FAM241A: variants seen among roughly 807,000 people sequenced by gnomAD.
The protein encoded by FAM241A is uncharacterized protein FAM241A.
A neutral mutation model predicts 12.2 loss-of-function variants in FAM241A; 7 were observed. The observed-to-expected ratio is 0.58, with a 90% CI of 0.33 to 1.08. The LOEUF (loss-of-function observed/expected upper bound fraction) is 1.08. Ranked by LOEUF, FAM241A falls within the 50% of genes least tolerant of loss-of-function variation. The pLI is 0.04. For missense variants in FAM241A, 161 were observed against 169.7 expected (o/e 0.95, Z 0.29); for synonymous variants, 74 against 68.2 (o/e 1.08, Z -0.42).
intron 1 of FAM241A, 77 bp from the exon 2 acceptor site, chr4:112,186,616 A>G: frequency 7.4e-7 from 1 of 1,359,118 alleles, no homozygotes; most frequent in Non-Finnish European, 1.0e-6. Flanking sequence ...TTGGAAGATG[A>G]AGAACTAAGG....
At position 112,170,616 on chromosome 4, in the gene FAM241A, C is replaced by T. The variant is rs921236354; in HGVS notation, c.154-16077C>T. 7.9e-5 allele frequency among the ~76,000 whole-genome samples: 12 copies of T among 152,156 alleles called. No homozygotes were observed. In the East Asian group the frequency reaches 1.4e-3, roughly 17 times the overall value. On this transcript the variant is annotated intron_variant, in intron 1 of 1. Transcript: ENST00000309733. ...CTGGACAAAAGCATGAGTCATGTCCCGAGCAGGATGGAGCAAGATGGTGTG... is the reference window on the plus strand; with the variant it reads ...CTGGACAAAAGCATGAGTCATGTCCTGAGCAGGATGGAGCAAGATGGTGTG...
intron 1 of FAM241A, among the ~76,000 whole-genome samples, chr4:112,148,120 T>C (rs779198033): frequency 1.3e-5 from 2 of 152,182 alleles, no homozygotes; most frequent in Non-Finnish European, 2.9e-5. Context: ...TTTCTATTTC[T>C]ATTCCCCTCA....
Position 112,177,601 on chromosome 4 carries a change from T to A in FAM241A, c.154-9092T>A, listed in dbSNP as rs1441628212. ...TTGTTGCAAAGATCAAACAAGATAA[T>A]GCATGTAAAACACAATGCATGTTAC... On this transcript the variant is annotated intron_variant, in intron 1 of 1. Coordinates refer to ENST00000309733, the MANE Select transcript of FAM241A (RefSeq NM_152400.3). 2.6e-5 allele frequency among the ~76,000 whole-genome samples: 4 copies of A among 152,246 alleles called. No homozygotes were observed. In the East Asian group the frequency reaches 7.7e-4, roughly 29 times the overall value.
In FAM241A at chr4:112,187,155, A is replaced by C; in HGVS notation, c.*217A>C. 1.9e-6 allele frequency: 1 copy of C among 526,540 alleles called. No individual in the cohort carries two copies. The highest frequency in any genetic ancestry group is 3.3e-6 in the Non-Finnish European group (1 of 302,082). 32.6% of individuals were successfully genotyped at this position (526,540 alleles called of 1,614,324 possible). A position where few individuals can be genotyped will look rare whatever the true frequency, so the allele number is the denominator to read the frequency against. On this transcript the variant is annotated 3_prime_UTR_variant, in exon 2 of 2. Coordinates refer to ENST00000309733, the MANE Select transcript of FAM241A (RefSeq NM_152400.3). Reference sequence around the variant, plus strand: ...TTGAATATACATTAGCTTATTCAAAACTCTTGTTTCACTACTGTGATCTCT... The same window carrying C: ...TTGAATATACATTAGCTTATTCAAACCTCTTGTTTCACTACTGTGATCTCT...
In FAM241A at chr4:112,186,740, C is replaced by T. The variant is rs777845898; in HGVS notation, c.201C>T (p.Asp67=). 3.1e-6 allele frequency: 5 copies of T among 1,612,122 alleles called. No homozygotes were observed. The highest frequency in any genetic ancestry group is 2.2e-5 in the South Asian group (2 of 91,018). ...QNHTGEPVGD[D]YKKMGTLFGE... ...ACACTGGTGAGCCGGTTGGAGATGA[C>T]TACAAGAAAATGGGAACACTTTTTG... The change falls in exon 2 of 2, where the codon GAC becomes GAT. Residue 67 remains aspartate, a synonymous_variant. Transcript: ENST00000309733.
chr4:112,145,699 G>T lies in FAM241A; in HGVS notation c.119G>T (p.Arg40Leu). Reference protein sequence around the residue: ...GTGWDPGASPRRRGQRPKESE... With the variant: ...GTGWDPGASPLRRGQRPKESE... ...GGGTGGGATCCCGGGGCGAGCCCGC[G>T]GCGGCGCGGACAGCGGCCGAAGGAG... The change falls in exon 1 of 2, where the codon CGG becomes CTG. Residue 40 changes from arginine to leucine, a missense_variant. Arg to Leu is a moderately radical substitution (Grantham distance 102). Transcript: ENST00000309733. The T allele has an allele frequency of 8.3e-7, 1 of 1,204,764 alleles. No homozygotes were observed. The highest frequency in any genetic ancestry group is 1.0e-6 in the Non-Finnish European group (1 of 970,086). 74.6% of individuals were successfully genotyped at this position (1,204,764 alleles called of 1,614,324 possible).
rs189724816 is a variant in FAM241A, at chr4:112,178,027, G to A, written c.154-8666G>A. On this transcript the variant is annotated intron_variant, in intron 1 of 1. Transcript: ENST00000309733. The stretch of plus-strand genomic sequence containing the variant: ...TTATTATGAGTCTATGATGGGCCAG[G>A]CATAGTGCAATATACAAAGTACTAA... 2.8e-3 allele frequency among the ~76,000 whole-genome samples: 421 copies of A among 152,146 alleles called. 4 individuals carry two copies. The highest frequency in any genetic ancestry group is 0.014 in the Middle Eastern group (4 of 294).
chr4:112,173,837 ACCAAGGTAGGGCTT>A (rs1723771033), intron 1 of FAM241A, among the ~76,000 whole-genome samples: 1 of 152,302 alleles, frequency 6.6e-6, no homozygotes, highest in South Asian at 2.1e-4. Flanking sequence ...TCCAGAAATA[ACCAAGGTAGGGCTT>A]CCAGAACAAT....
chr4:112,182,298 G>T (rs112707649), intron 1 of FAM241A, among the ~76,000 whole-genome samples: 2 of 152,170 alleles, frequency 1.3e-5, no homozygotes, highest in African/African-American at 4.8e-5. Flanking sequence ...TAATTGAATC[G>T]GATGACCTTT....
At position 112,179,959 on chromosome 4, in the gene FAM241A, GTA is replaced by G. The variant is rs1203407370; in HGVS notation, c.154-6722_154-6721del. Among the ~76,000 whole-genome samples the G allele has an allele frequency of 1.9e-3, 230 of 123,060 alleles. 2 individuals carry two copies. Among genetic ancestry groups the G allele is most frequent in the African/African-American group, 1.0e-3 (32 of 32,048 alleles). 80.7% of individuals were successfully genotyped at this position (123,060 alleles called of 152,430 possible). Reference sequence around the variant, plus strand: ...TATATGTATATGTGTGTGTGTGTGTGTATATATATATATCACATATATTACAT... The same window carrying G: ...TATATGTATATGTGTGTGTGTGTGTGTATATATATATCACATATATTACAT... On this transcript the variant is annotated intron_variant, in intron 1 of 1. Coordinates refer to ENST00000309733, the MANE Select transcript of FAM241A (RefSeq NM_152400.3).
intron 1 of FAM241A, among the ~76,000 whole-genome samples, chr4:112,175,658 C>T (rs1021064284): frequency 6.6e-6 from 1 of 151,958 alleles, no homozygotes; most frequent in Non-Finnish European, 1.5e-5. Flanking sequence ...ATCCTAGCTA[C>T]TCAGGAGGCT....
At chr4:112,179,208 A>G (rs906066702) in intron 1 of FAM241A, among the ~76,000 whole-genome samples, 5 of 152,268 alleles carry the variant, frequency 3.3e-5, no homozygotes, top group East Asian at 1.9e-4. Context: ...GCCCATGCCT[A>G]TGTCCTGAAT....
At chr4:112,162,086 A>G (rs1723483860) in intron 1 of FAM241A, among the ~76,000 whole-genome samples, 1 of 152,236 alleles carries the variant, frequency 6.6e-6, no homozygotes. Flanking sequence ...AGATGCAGAA[A>G]AGGCCTTCGA....
Position 112,189,546 on chromosome 4 carries a change from C to T in FAM241A, c.*2608C>T, listed in dbSNP as rs1488056924. 3 of 152,000 alleles carry T rather than the reference C, an allele frequency of 2.0e-5. No individual in the cohort carries two copies. Among genetic ancestry groups the T allele is most frequent in the Non-Finnish European group, 4.4e-5 (3 of 67,996 alleles). The allele number at this position is 152,000 out of a possible 1,614,324, so 9.4% of individuals were successfully genotyped here. A position where few individuals can be genotyped will look rare whatever the true frequency, so the allele number is the denominator to read the frequency against. ...GGCCAGTAATTCAAAAGAAAAAGGTCGAAGTCTACAAATAAACAGACTGTA... is the reference window on the plus strand; with the variant it reads ...GGCCAGTAATTCAAAAGAAAAAGGTTGAAGTCTACAAATAAACAGACTGTA... On this transcript the variant is annotated 3_prime_UTR_variant, in exon 2 of 2. Coordinates refer to ENST00000309733, the MANE Select transcript of FAM241A (RefSeq NM_152400.3).
Position 112,186,986 on chromosome 4 carries a change from T to A in FAM241A, c.*48T>A. 6.4e-7 allele frequency: 1 copy of A among 1,568,050 alleles called. No homozygotes were observed. Among genetic ancestry groups the A allele is most frequent in the Non-Finnish European group, 8.6e-7 (1 of 1,157,270 alleles). On this transcript the variant is annotated 3_prime_UTR_variant, in exon 2 of 2. Transcript: ENST00000309733. ...TGACATTTGGTAGCCATATATGTAA[T>A]TGAAGAAGTTATATATTTCACTTTT...
chr4:112,188,527 G>A lies in FAM241A; in HGVS notation c.*1589G>A, dbSNP rs1452590974. The A allele has an allele frequency of 2.1e-4, 32 of 152,168 alleles. No homozygotes were observed. Among genetic ancestry groups the A allele is most frequent in the Non-Finnish European group, 1.5e-5 (1 of 67,962 alleles). The allele number at this position is 152,168 out of a possible 1,614,324, so 9.4% of individuals were successfully genotyped here. ...TTTTAAAAAACAAAAGACTTTGTACGATATTGTGTTTTTATTGCTTTTGCA... is the reference window on the plus strand; with the variant it reads ...TTTTAAAAAACAAAAGACTTTGTACAATATTGTGTTTTTATTGCTTTTGCA... On this transcript the variant is annotated 3_prime_UTR_variant, in exon 2 of 2. Transcript: ENST00000309733.
chr4:112,180,481 A>C (rs1201313588), intron 1 of FAM241A, among the ~76,000 whole-genome samples: 1 of 152,208 alleles, frequency 6.6e-6, no homozygotes, highest in African/African-American at 2.4e-5. Flanking sequence ...GTTTGTTAAC[A>C]ACAGTTAAAT....
intron 1 of FAM241A, among the ~76,000 whole-genome samples, chr4:112,161,424 A>G (rs866335957): frequency 6.6e-6 from 1 of 152,186 alleles, no homozygotes; most frequent in Admixed American, 6.5e-5. Flanking sequence ...CAAGACCAAT[A>G]AAGAAGGAAA....
At chr4:112,183,992 A>T (rs887541964) in intron 1 of FAM241A, among the ~76,000 whole-genome samples, 33 of 152,118 alleles carry the variant, frequency 2.2e-4, no homozygotes, top group Admixed American at 1.0e-3. Context: ...TCAATTTTTT[A>T]AAAAAAGAAA....
Sources: allele counts gnomAD v4.1 joint callset (sites outside exome capture counted in the v4.1 genomes callset), GRCh38; gene constraint gnomAD v4.1.1; transcripts MANE v1.5; gene names NCBI Gene and HGNC (gene_info 2026-07-23, HGNC 2026-07-21).